The following BCL11A variants were observed in gnomAD, a reference collection of about 807,000 sequenced individuals.
The protein encoded by BCL11A is B cell CLL/lymphoma 11A.
A neutral mutation model predicts 55.9 loss-of-function variants in BCL11A; 2 were observed. The ratio of observed to expected loss-of-function variants is 0.04; its 90% CI spans 0.01 to 0.11. The LOEUF (loss-of-function observed/expected upper bound fraction) is 0.11. BCL11A is among the 10% of genes least tolerant of loss of function. The probability of loss-of-function intolerance (pLI) is 1.00; values close to 1 mark genes in which losing one functional copy is unlikely to be tolerated. For missense variants in BCL11A, 817 were observed against 1,137.1 expected (o/e 0.72, Z 4.05); for synonymous variants, 465 against 473.4 (o/e 0.98, Z 0.23).
At chr2:60,552,839 T>G (rs1048723506) in intron 1 of BCL11A, among the ~76,000 whole-genome samples, 3 of 151,820 alleles carry the variant, frequency 2.0e-5, no homozygotes, top group South Asian at 2.1e-4. Flanking sequence ...CAGGTTTGCA[T>G]GTGAGTTGTT....
Position 60,461,235 on chromosome 2 carries a change from G to A in BCL11A, c.1677C>T (p.Ser559=), listed in dbSNP as rs1676253984. ...GMVLSSMQHF[S]EAFHQVLGEK... ...CGCCCAGGACCTGGTGGAAGGCCTC[G>A]CTGAAGTGCTGCATGGAGCTGAGCA... The change falls in exon 4 of 4, where the codon AGC becomes AGT. Residue 559 remains serine, a synonymous_variant. Coordinates refer to ENST00000642384, the MANE Select transcript of BCL11A (RefSeq NM_022893.4). The A allele has an allele frequency of 1.2e-6, 2 of 1,610,148 alleles. No individual in the cohort carries two copies. The highest frequency in any genetic ancestry group is 1.7e-6 in the Non-Finnish European group (2 of 1,179,772).
Position 60,515,364 on chromosome 2 carries a change from T to C in BCL11A, c.385+30607A>G, listed in dbSNP as rs551544382. 1.4e-4 allele frequency among the ~76,000 whole-genome samples: 21 copies of C among 152,236 alleles called. No homozygotes were observed. The South Asian group carries it at 3.5e-3, about 26-fold the overall frequency. ...GTTCAATCAAGCAGCGTGAGCAAAG[T>C]ACAGATTAAATACTACATATGAACC... On this transcript the variant is annotated intron_variant, in intron 2 of 3. Coordinates refer to ENST00000642384, the MANE Select transcript of BCL11A (RefSeq NM_022893.4).
chr2:60,551,074 A>T (rs1670394695), intron 1 of BCL11A: 1 of 395,300 alleles, frequency 2.5e-6, no homozygotes, highest in African/African-American at 2.1e-5. Flanking sequence ...CCCTGTGCGC[A>T]CCCCCCACCA....
intron 1 of BCL11A, 40 bp downstream of exon 1, chr2:60,553,176 G>A: frequency 6.4e-7 from 1 of 1,573,884 alleles, no homozygotes. Flanking sequence ...GCGCTCTCGT[G>A]ATTATTAATA....
intron 2 of BCL11A, among the ~76,000 whole-genome samples, chr2:60,539,574 T>C (rs1669829333): frequency 6.6e-6 from 1 of 152,262 alleles, no homozygotes; most frequent in South Asian, 2.1e-4. Flanking sequence ...AGTTACATTT[T>C]AAAACTGATT....
chr2:60,516,672 G>A (rs1668743853), intron 2 of BCL11A, among the ~76,000 whole-genome samples: 1 of 152,208 alleles, frequency 6.6e-6, no homozygotes, highest in Non-Finnish European at 1.5e-5. Context: ...AACTGGGAGT[G>A]AAAGTTTAAC....
At position 60,457,677 on chromosome 2, in the gene BCL11A, T is replaced by C. The variant is rs1676005051; in HGVS notation, c.*2727A>G. 2 of 1,036,210 alleles carry C rather than the reference T, an allele frequency of 1.9e-6. No homozygotes were observed. Among genetic ancestry groups the C allele is most frequent in the East Asian group, 5.9e-5 (1 of 16,812 alleles). The allele number at this position is 1,036,210 out of a possible 1,614,324, so 64.2% of individuals were successfully genotyped here. On this transcript the variant is annotated 3_prime_UTR_variant, in exon 4 of 4. Coordinates refer to ENST00000642384, the MANE Select transcript of BCL11A (RefSeq NM_022893.4). ...AAAAACTGCAAAACATTGGTTTTTT[T>C]TTTTTTTTCCTTTTTTTTTCTTTCT...
chr2:60,540,239 T>C (rs958180699), intron 2 of BCL11A, among the ~76,000 whole-genome samples: 10 of 152,162 alleles, frequency 6.6e-5, no homozygotes, highest in African/African-American at 2.4e-4. Context: ...TTAAATCTCA[T>C]GCTAAAAAAG....
In BCL11A at chr2:60,451,702, T is replaced by C. The variant is rs201709832; in HGVS notation, c.*873A>G. 3 of 230,592 alleles carry C rather than the reference T, an allele frequency of 1.3e-5. No individual in the cohort carries two copies. The East Asian group carries it at 1.9e-4, about 14-fold the overall frequency. The allele number at this position is 230,592 out of a possible 1,614,324, so 14.3% of individuals were successfully genotyped here. On this transcript the variant is annotated 3_prime_UTR_variant, in exon 5 of 5. Transcript: ENST00000356842. ...TTTAATAAGAAACTACTGACATTTA[T>C]CACCTTCTTTAGGATTTACCGCTCG... is the stretch of plus-strand genomic sequence containing the variant.
At chr2:60,486,985 C>T (rs1489920921) in intron 2 of BCL11A, among the ~76,000 whole-genome samples, 2 of 152,190 alleles carry the variant, frequency 1.3e-5, no homozygotes, top group South Asian at 2.1e-4. Context: ...AAAAAAGACT[C>T]GGGAGATTCA....
intron 2 of BCL11A, among the ~76,000 whole-genome samples, chr2:60,481,587 A>G (rs963859117): frequency 1.3e-5 from 2 of 152,128 alleles, no homozygotes; most frequent in Admixed American, 6.5e-5. Flanking sequence ...CCTGGCTAAG[A>G]GCAACTGCAG....
chr2:60,505,274 C>T (rs1679521520), intron 2 of BCL11A, among the ~76,000 whole-genome samples: 1 of 152,212 alleles, frequency 6.6e-6, no homozygotes, highest in Non-Finnish European at 1.5e-5. Context: ...GACGGATACT[C>T]AGAAACGGCT....
chr2:60,496,119 T>A (rs893105319), intron 2 of BCL11A, among the ~76,000 whole-genome samples: 15 of 152,218 alleles, frequency 9.9e-5, no homozygotes, highest in Admixed American at 9.8e-4. Flanking sequence ...GCAATGCACC[T>A]GTGCAGGAAA....
At chr2:60,507,890 A>G (rs1374632705) in intron 2 of BCL11A, among the ~76,000 whole-genome samples, 2 of 152,182 alleles carry the variant, frequency 1.3e-5, no homozygotes, top group South Asian at 2.1e-4. Flanking sequence ...GATAATTACT[A>G]TGGATTATTA....
chr2:60,461,092 C>T lies in BCL11A; in HGVS notation c.1820G>A (p.Cys607Tyr), dbSNP rs199732222. 29 of 1,601,086 alleles carry T rather than the reference C, an allele frequency of 1.8e-5. No individual in the cohort carries two copies. The highest frequency in any genetic ancestry group is 2.5e-5 in the Non-Finnish European group (29 of 1,173,228). The change falls in exon 4 of 4, where the codon TGC becomes TAC. Residue 607 changes from cysteine to tyrosine, a missense_variant. Physicochemically the swap from Cys to Tyr is radical, Grantham distance 194 (BLOSUM62 -2). Transcript: ENST00000642384. ...IDDGTVNGRG[C>Y]SPGESASGGL... Reference sequence around the variant, plus strand: ...CCCCGAGGCCGACTCGCCCGGGGAGCAGCCGCGGCCATTAACAGTGCCATC... The same window carrying T: ...CCCCGAGGCCGACTCGCCCGGGGAGTAGCCGCGGCCATTAACAGTGCCATC...
At chr2:60,472,123 G>A (rs1490641413) in intron 2 of BCL11A, among the ~76,000 whole-genome samples, 3 of 152,142 alleles carry the variant, frequency 2.0e-5, no homozygotes, top group Non-Finnish European at 4.4e-5. Context: ...CCTCCATTAG[G>A]AAATTCAGGT....
chr2:60,453,712 C>T (rs1219598344), downstream of BCL11A, among the ~76,000 whole-genome samples: 1 of 152,342 alleles, frequency 6.6e-6, no homozygotes, highest in East Asian at 1.9e-4. Flanking sequence ...CAAAGTATAT[C>T]ATGGGCATGT....
intron 2 of BCL11A, among the ~76,000 whole-genome samples, chr2:60,470,662 C>G (rs771434097): frequency 6.6e-6 from 1 of 152,190 alleles, no homozygotes; most frequent in Non-Finnish European, 1.5e-5. Context: ...CCTAGCCCCT[C>G]GCATGAATCT....
At chr2:60,481,118 G>A (rs1427214572) in intron 2 of BCL11A, among the ~76,000 whole-genome samples, 1 of 152,054 alleles carries the variant, frequency 6.6e-6, no homozygotes, top group Non-Finnish European at 1.5e-5. Flanking sequence ...ACAGCCCAGT[G>A]GTGGCCGCAG....
Sources: gnomAD v4.1 joint callset for allele counts (sites outside exome capture counted in the v4.1 genomes callset) on GRCh38, gnomAD v4.1.1 for gene constraint, MANE v1.5 for transcripts, NCBI Gene and HGNC (gene_info 2026-07-23, HGNC 2026-07-21) for gene names.